Variants in ELFN1 observed in about 807,000 individuals in gnomAD.
ELFN1 encodes protein ELFN1.
In ELFN1, 6 loss-of-function variants were observed where a neutral mutation model predicts 7.6. The observed-to-expected ratio is 0.79, with a 90% CI of 0.43 to 1.56. The LOEUF is 1.56. Ranked by LOEUF, ELFN1 falls within the 40% of genes most tolerant of loss-of-function variation. ELFN1 has a pLI of 0.01. For synonymous variants in ELFN1, 657 were observed against 588.1 expected (o/e 1.12, Z -1.70); for missense variants, 1,169 against 1,232.2 (o/e 0.95, Z 0.77).
chr7:1,734,293 C>G (rs910781503), intron 3 of ELFN1, among the ~76,000 whole-genome samples: 1 of 152,236 alleles, frequency 6.6e-6, no homozygotes. Context: ...GCTACCCGCA[C>G]CCCACATCCC....
intron 1 of ELFN1, among the ~76,000 whole-genome samples, chr7:1,677,328 A>T (rs1778890288): frequency 6.6e-6 from 1 of 152,192 alleles, no homozygotes; most frequent in Non-Finnish European, 1.5e-5. Flanking sequence ...TGCCCACAGA[A>T]GTGGGGCTCA....
intron 3 of ELFN1, among the ~76,000 whole-genome samples, chr7:1,733,389 G>A (rs1049178805): frequency 6.6e-6 from 1 of 152,156 alleles, no homozygotes; most frequent in Non-Finnish European, 1.5e-5. Context: ...GCTGATGGGC[G>A]TGGGGACAGC....
At chr7:1,666,421 G>C (rs1222338819), upstream of ELFN1, among the ~76,000 whole-genome samples, 1 of 152,022 alleles carries the variant, frequency 6.6e-6, no homozygotes, top group Non-Finnish European at 1.5e-5. The surrounding 1 kb of genome is among the most constrained non-coding windows in gnomAD (Gnocchi z 7.9). Context: ...GCGGCGCTCG[G>C]GGCCCGCGGC....
upstream of ELFN1, among the ~76,000 whole-genome samples, chr7:1,667,128 C>A (rs1778683079): frequency 6.9e-6 from 1 of 144,936 alleles, no homozygotes; most frequent in African/African-American, 2.7e-5. The surrounding 1 kb of genome is among the most constrained non-coding windows in gnomAD (Gnocchi z 8.2). Context: ...GGGGTGTCGG[C>A]CCCCCCCCGA....
chr7:1,674,629 G>A lies in ELFN1; in HGVS notation c.-549+4275G>A, dbSNP rs192962578. 4.5e-3 allele frequency among the ~76,000 whole-genome samples: 679 copies of A among 152,240 alleles called. 25 individuals carry two copies. Among genetic ancestry groups the A allele is most frequent in the Admixed American group, 0.042 (650 of 15,300 alleles). Reference sequence around the variant, plus strand: ...GGGGAGAGGGGCCATGACAGTGGACGGTGACCCCCCCGCCCTCGACGTCTG... The same window carrying A: ...GGGGAGAGGGGCCATGACAGTGGACAGTGACCCCCCCGCCCTCGACGTCTG... On this transcript the variant is annotated intron_variant, in intron 1 of 3. Coordinates refer to ENST00000424383, the MANE Select transcript of ELFN1 (RefSeq NM_001128636.4).
In ELFN1 at chr7:1,728,801, G is replaced by A. The variant is rs757741133; in HGVS notation, c.-293-15503G>A. Reference sequence around the variant, plus strand: ...TGAGTGGGAGGATCCAGCTCCACCCGGGTCCCAGCTCCTGTCGGGGAAGGG... The same window carrying A: ...TGAGTGGGAGGATCCAGCTCCACCCAGGTCCCAGCTCCTGTCGGGGAAGGG... On this transcript the variant is annotated intron_variant, in intron 3 of 3. Coordinates refer to ENST00000424383, the MANE Select transcript of ELFN1 (RefSeq NM_001128636.4). Among the ~76,000 whole-genome samples the A allele has an allele frequency of 1.9e-4, 29 of 152,290 alleles. No homozygotes were observed. In the South Asian group the frequency reaches 2.3e-3, roughly 12 times the overall value.
intron 1 of ELFN1, among the ~76,000 whole-genome samples, chr7:1,674,809 A>G (rs2128573879): frequency 6.6e-6 from 1 of 152,190 alleles, no homozygotes; most frequent in Admixed American, 6.5e-5. Context: ...TGGGCTTCCG[A>G]GGGAGGGATG....
intron 2 of ELFN1, among the ~76,000 whole-genome samples, chr7:1,699,083 C>T (rs550415720): frequency 6.6e-6 from 1 of 152,348 alleles, no homozygotes; most frequent in South Asian, 2.1e-4. Flanking sequence ...ATTGCACCTG[C>T]GAAATTCATT....
rs189238816 is a variant in ELFN1, at chr7:1,677,958, C to G, written c.-549+7604C>G. On this transcript the variant is annotated intron_variant, in intron 1 of 3. Transcript: ENST00000424383. ...AGGTGTTTGCTGTCTGACAGACATC[C>G]GGGCTTATTTTTGTTCCTTCATTAC... Among the ~76,000 whole-genome samples the G allele has an allele frequency of 9.2e-5, 14 of 151,972 alleles. 1 individual carries two copies. Among genetic ancestry groups the G allele is most frequent in the Admixed American group, 9.2e-4 (14 of 15,276 alleles).
chr7:1,679,163 GCA>G (rs1170625941), intron 1 of ELFN1, among the ~76,000 whole-genome samples: 2 of 149,608 alleles, frequency 1.3e-5, no homozygotes, highest in Admixed American at 6.6e-5. Context: ...ACACACGCGT[GCA>G]CACACGTACG....
At chr7:1,720,838 A>C (rs189399066) in intron 3 of ELFN1, among the ~76,000 whole-genome samples, 56 of 149,998 alleles carry the variant, frequency 3.7e-4, no homozygotes, top group East Asian at 2.8e-3. Flanking sequence ...AGTAACGATT[A>C]CTAAATAGTG....
At chr7:1,728,155 C>T (rs944992486) in intron 3 of ELFN1, among the ~76,000 whole-genome samples, 2 of 42,016 alleles carry the variant, frequency 4.8e-5, no homozygotes, top group Admixed American at 2.8e-4. Flanking sequence ...CAGGCTTTCC[C>T]TTAGGGCGCC....
In ELFN1 at chr7:1,705,354, A is replaced by G. The variant is rs1404052552; in HGVS notation, c.-455-3737A>G. ...TTGCTGATATAAGTGTTTGAAATGC[A>G]AATGTCAAGTTTGGGCGCCTTCATT... is the stretch of plus-strand genomic sequence containing the variant. On this transcript the variant is annotated intron_variant, in intron 2 of 3. Transcript: ENST00000424383. The surrounding 1 kb of genome is among the most constrained non-coding windows in gnomAD (Gnocchi z 4.3). Among the ~76,000 whole-genome samples the G allele has an allele frequency of 6.6e-6, 1 of 152,218 alleles. No homozygotes were observed. Among genetic ancestry groups the G allele is most frequent in the African/African-American group, 2.4e-5 (1 of 41,454 alleles).
At chr7:1,702,657 A>G (rs1396853108) in intron 2 of ELFN1, among the ~76,000 whole-genome samples, 3 of 151,260 alleles carry the variant, frequency 2.0e-5, no homozygotes, top group Non-Finnish European at 4.4e-5. Context: ...GACATATAGA[A>G]ATTCAATATA....
chr7:1,741,515 G>A (rs1314021928), intron 3 of ELFN1, among the ~76,000 whole-genome samples: 5 of 152,118 alleles, frequency 3.3e-5, no homozygotes, highest in Non-Finnish European at 2.9e-5. Flanking sequence ...GTGAGGCTGC[G>A]TTCCCAGCAC....
At chr7:1,725,579 G>T (rs1276483777) in intron 3 of ELFN1, among the ~76,000 whole-genome samples, 1 of 152,228 alleles carries the variant, frequency 6.6e-6, no homozygotes, top group Non-Finnish European at 1.5e-5. Context: ...TCACACCCCA[G>T]TTGGGTGGTT....
At chr7:1,729,777 T>C (rs1780288235) in intron 3 of ELFN1, among the ~76,000 whole-genome samples, 1 of 152,202 alleles carries the variant, frequency 6.6e-6, no homozygotes, top group South Asian at 2.1e-4. Context: ...CCTATTTACT[T>C]CCTGCGTCTG....
At chr7:1,666,960 C>A (rs1778680951), upstream of ELFN1, among the ~76,000 whole-genome samples, 1 of 151,694 alleles carries the variant, frequency 6.6e-6, no homozygotes, top group East Asian at 2.0e-4. The surrounding 1 kb of genome is among the most constrained non-coding windows in gnomAD (Gnocchi z 7.9). Flanking sequence ...TAGCCTCTCC[C>A]GGTCCGGGAA....
At position 1,673,478 on chromosome 7, in the gene ELFN1, C is replaced by T. The variant is rs1482759100; in HGVS notation, c.-549+3124C>T. 6.6e-6 allele frequency among the ~76,000 whole-genome samples: 1 copy of T among 152,176 alleles called. No homozygotes were observed. Among genetic ancestry groups the T allele is most frequent in the Admixed American group, 6.5e-5 (1 of 15,292 alleles). On this transcript the variant is annotated intron_variant, in intron 1 of 3. Transcript: ENST00000424383. The surrounding 1 kb of genome is among the most constrained non-coding windows in gnomAD (Gnocchi z 4.7). ...CAGCTATGGGCACTCGAGCCCAGCACCGTGCCCCCCCTCCCCGCCCCCTGC... is the reference window on the plus strand; with the variant it reads ...CAGCTATGGGCACTCGAGCCCAGCATCGTGCCCCCCCTCCCCGCCCCCTGC...
Sources: allele counts gnomAD v4.1 joint callset (sites outside exome capture counted in the v4.1 genomes callset), GRCh38; gene constraint gnomAD v4.1.1; non-coding constraint Gnocchi (gnomAD v3.1); transcripts MANE v1.5; gene names NCBI Gene and HGNC (gene_info 2026-07-23, HGNC 2026-07-21).